FRMD4B: variants seen among roughly 807,000 people sequenced by gnomAD.
FRMD4B encodes FERM domain-containing protein 4B.
In FRMD4B, 74 loss-of-function variants were observed where a neutral mutation model predicts 141.5. The ratio of observed to expected loss-of-function variants is 0.52; its 90% CI spans 0.43 to 0.63. The LOEUF (loss-of-function observed/expected upper bound fraction) is 0.63, where lower values mean the gene tolerates loss of function less well. Among genes scored for constraint, FRMD4B ranks in the 30% least tolerant of loss-of-function variants. FRMD4B has a pLI of 0.00. For missense variants in FRMD4B, 1,366 were observed against 1,253.4 expected (o/e 1.09, Z -1.36); for synonymous variants, 506 against 467.9 (o/e 1.08, Z -1.05).
chr3:69,193,194 T>G (rs1050799996), intron 17 of FRMD4B, among the ~76,000 whole-genome samples: 1 of 152,122 alleles, frequency 6.6e-6, no homozygotes, highest in Non-Finnish European at 1.5e-5. Context: ...AAAACTGAAA[T>G]TCCAAACAAT....
intron 11 of FRMD4B, among the ~76,000 whole-genome samples, chr3:69,201,192 G>A (rs1302177798): frequency 6.6e-6 from 1 of 152,080 alleles, no homozygotes; most frequent in Non-Finnish European, 1.5e-5. Flanking sequence ...TTTGTGCAAA[G>A]TATGATTTCA....
intron 19 of FRMD4B, among the ~76,000 whole-genome samples, chr3:69,186,069 A>G (rs1404536855): frequency 6.6e-6 from 1 of 151,978 alleles, no homozygotes; most frequent in African/African-American, 2.4e-5. Context: ...AGTGCTCAAT[A>G]GAAATGTTAT....
At chr3:69,305,196 A>C (rs770167396) in intron 3 of FRMD4B, among the ~76,000 whole-genome samples, 1 of 152,188 alleles carries the variant, frequency 6.6e-6, no homozygotes, top group African/African-American at 2.4e-5. Flanking sequence ...GGAGAAAATG[A>C]GACTAGAGGG....
chr3:69,218,885 G>C (rs1186212350), intron 9 of FRMD4B, among the ~76,000 whole-genome samples: 1 of 152,128 alleles, frequency 6.6e-6, no homozygotes. Flanking sequence ...CCCCCAGGCT[G>C]GGCGCGGTGG....
intron 1 of FRMD4B, among the ~76,000 whole-genome samples, chr3:69,340,208 T>C (rs527784903): frequency 3.9e-5 from 6 of 152,084 alleles, no homozygotes; most frequent in Non-Finnish European, 7.4e-5. Flanking sequence ...TACAGGTTTG[T>C]TGTAAAGGTA....
chr3:69,477,617 T>C (rs1053344455), intron 1 of FRMD4B, among the ~76,000 whole-genome samples: 5 of 152,154 alleles, frequency 3.3e-5, no homozygotes, highest in Non-Finnish European at 5.9e-5. Context: ...AGTATTTTAT[T>C]GAGGATTTTT....
rs73107449 is a variant in FRMD4B, at chr3:69,366,552, T to C, written c.162+19276A>G. Reference sequence around the variant, plus strand: ...ATATTATAATGATATGATATGTATGTCACTATAGGTTTAGAAAATATCTGG... The same window carrying C: ...ATATTATAATGATATGATATGTATGCCACTATAGGTTTAGAAAATATCTGG... On this transcript the variant is annotated intron_variant, in intron 1 of 22. Coordinates refer to ENST00000398540, the MANE Select transcript of FRMD4B (RefSeq NM_015123.3). Among the ~76,000 whole-genome samples, 1,815 of 143,884 alleles carry C rather than the reference T, an allele frequency of 0.013. 123 individuals are homozygous for C. The East Asian group carries it at 0.21, about 17-fold the overall frequency. 94.4% of individuals were successfully genotyped at this position (143,884 alleles called of 152,430 possible). A position where few individuals can be genotyped will look rare whatever the true frequency, so the allele number is the denominator to read the frequency against.
intron 1 of FRMD4B, among the ~76,000 whole-genome samples, chr3:69,475,527 G>C (rs1303879985): frequency 6.6e-6 from 1 of 152,086 alleles, no homozygotes; most frequent in Non-Finnish European, 1.5e-5. Context: ...CCCTACAAAC[G>C]ACATGAACTC....
At chr3:69,386,220 C>G, upstream of FRMD4B, 3 of 439,248 alleles carry the variant, frequency 6.8e-6, no homozygotes, top group Non-Finnish European at 1.2e-5. Flanking sequence ...GCCCAGTGTC[C>G]ACCCCCGCCC....
At chr3:69,456,332 G>A (rs990797359) in intron 1 of FRMD4B, among the ~76,000 whole-genome samples, 1 of 152,096 alleles carries the variant, frequency 6.6e-6, no homozygotes, top group Non-Finnish European at 1.5e-5. Context: ...CTTAGCAAAA[G>A]ACTAAAAAAA....
intron 1 of FRMD4B, among the ~76,000 whole-genome samples, chr3:69,370,949 C>T (rs1703806507): frequency 6.6e-6 from 1 of 152,214 alleles, no homozygotes; most frequent in Non-Finnish European, 1.5e-5. Context: ...GGTGCTGTTC[C>T]AGGCACTGAG....
chr3:69,186,246 CTTTT>C (rs58174388), intron 19 of FRMD4B, among the ~76,000 whole-genome samples: 8 of 89,612 alleles, frequency 8.9e-5, no homozygotes, highest in East Asian at 6.3e-4. Context: ...TTTCTTTTTC[CTTTT>C]TTTTTTTTTT....
At chr3:69,316,983 C>T (rs1255806223) in intron 1 of FRMD4B, among the ~76,000 whole-genome samples, 3 of 151,992 alleles carry the variant, frequency 2.0e-5, no homozygotes, top group Non-Finnish European at 2.9e-5. Flanking sequence ...ATTAGCCAGG[C>T]GTGGTGGCAG....
chr3:69,183,329 C>T (rs2092728706), intron 19 of FRMD4B, among the ~76,000 whole-genome samples: 1 of 151,996 alleles, frequency 6.6e-6, no homozygotes, highest in African/African-American at 2.4e-5. Flanking sequence ...ATATAAAAAC[C>T]ATTCTTAGCT....
chr3:69,263,980 C>T (rs1341485922), intron 5 of FRMD4B, among the ~76,000 whole-genome samples: 3 of 151,744 alleles, frequency 2.0e-5, no homozygotes, highest in African/African-American at 7.3e-5. Context: ...CACACACCCC[C>T]AAGCCCTGCT....
At chr3:69,252,436 A>G (rs927906964) in intron 5 of FRMD4B, among the ~76,000 whole-genome samples, 1 of 152,106 alleles carries the variant, frequency 6.6e-6, no homozygotes, top group Non-Finnish European at 1.5e-5. Flanking sequence ...TTGTTCCAGG[A>G]AGAGAAGAGA....
Position 69,201,000 on chromosome 3 carries a change from T to C in FRMD4B, c.877-2226A>G, listed in dbSNP as rs1193359940. 1.5e-5 allele frequency: 5 copies of C among 337,716 alleles called. No homozygotes were observed. In the Admixed American group the frequency reaches 1.8e-4, roughly 12 times the overall value. The allele number at this position is 337,716 out of a possible 1,614,324, so 20.9% of individuals were successfully genotyped here. On this transcript the variant is annotated intron_variant, in intron 11 of 22. Coordinates refer to ENST00000398540, the MANE Select transcript of FRMD4B (RefSeq NM_015123.3). Reference sequence around the variant, plus strand: ...CTTTGGACTCCATTCAGCCTGTCCCTGCATTGAGAGCAAATACGCTCCCTG... The same window carrying C: ...CTTTGGACTCCATTCAGCCTGTCCCCGCATTGAGAGCAAATACGCTCCCTG...
intron 5 of FRMD4B, among the ~76,000 whole-genome samples, chr3:69,282,011 C>T (rs988267168): frequency 6.6e-6 from 1 of 152,066 alleles, no homozygotes; most frequent in Non-Finnish European, 1.5e-5. Flanking sequence ...ATGATATTTA[C>T]AGAACCCATT....
intron 1 of FRMD4B, among the ~76,000 whole-genome samples, chr3:69,336,144 GA>G (rs908282639): frequency 6.6e-6 from 1 of 151,894 alleles, no homozygotes; most frequent in African/African-American, 2.4e-5. Context: ...CACAGTTTAA[GA>G]AAAAAAAGGC....
Sources: allele counts gnomAD v4.1 joint callset (sites outside exome capture counted in the v4.1 genomes callset), GRCh38; gene constraint gnomAD v4.1.1; transcripts MANE v1.5; gene names NCBI Gene and HGNC (gene_info 2026-07-23, HGNC 2026-07-21).